The following CCDC172 variants were observed in gnomAD, a reference collection of about 807,000 sequenced individuals.
The protein encoded by CCDC172 is coiled-coil domain-containing protein 172.
A neutral mutation model predicts 38.0 loss-of-function variants in CCDC172; 30 were observed. That is an observed-to-expected ratio of 0.79 (90% CI 0.59 to 1.07). CCDC172 has a LOEUF of 1.07. CCDC172 is among the 50% of genes least tolerant of loss of function. CCDC172 has a pLI of 0.00. For synonymous variants in CCDC172, 78 were observed against 88.3 expected (o/e 0.88, Z 0.66); for missense variants, 297 against 290.1 (o/e 1.02, Z -0.17).
At chr10:116,341,863 C>T (rs1256555386) in intron 4 of CCDC172, among the ~76,000 whole-genome samples, 173 bp from the exon 5 acceptor site, 1 of 151,634 alleles carries the variant, frequency 6.6e-6, no homozygotes, top group Non-Finnish European at 1.5e-5. Flanking sequence ...TATATAATAG[C>T]TTCAGTTTTT....
rs146906702 is a variant in CCDC172, at chr10:116,325,039, A to G, written c.28A>G (p.Ile10Val). 41 of 1,614,112 alleles carry G rather than the reference A, an allele frequency of 2.5e-5. No individual in the cohort carries two copies. The African/African-American group carries it at 3.9e-4, about 15-fold the overall frequency. MSLESLFQHIIFTEHQAEES... is the reference protein window; with the variant it reads MSLESLFQHVIFTEHQAEES... ...GAGCTTGGAGTCCCTGTTTCAGCAC[A>G]TCATCTTCACCGAGCATCAGGCGGA... The change falls in exon 2 of 9, where the codon ATC becomes GTC. Residue 10 changes from isoleucine (I) to valine (V), a missense_variant. Transcript: ENST00000333254.
chr10:116,343,876 T>C (rs966725085), intron 5 of CCDC172, among the ~76,000 whole-genome samples: 1 of 152,156 alleles, frequency 6.6e-6, no homozygotes, highest in Non-Finnish European at 1.5e-5. Flanking sequence ...TTTTCTGAGG[T>C]TTTAGGAAAG....
intron 5 of CCDC172, among the ~76,000 whole-genome samples, chr10:116,343,801 C>T (rs2134926928): frequency 6.6e-6 from 1 of 152,232 alleles, no homozygotes; most frequent in South Asian, 2.1e-4. Flanking sequence ...ACTACTGAGA[C>T]AATATTCTTA....
chr10:116,331,051 C>T (rs1222282064), intron 3 of CCDC172, among the ~76,000 whole-genome samples: 2 of 152,084 alleles, frequency 1.3e-5, no homozygotes, highest in African/African-American at 4.8e-5. Flanking sequence ...CAGCTGTCTT[C>T]CATTAAGCCA....
At chr10:116,325,525 T>C (rs1440218191) in intron 3 of CCDC172, 137 bp downstream of exon 3, 2 of 631,090 alleles carry the variant, frequency 3.2e-6, no homozygotes, top group Non-Finnish European at 5.4e-6. Context: ...TTTAGTTCCA[T>C]GTTGCCTGGT....
chr10:116,346,640 T>G (rs1844870615), intron 5 of CCDC172, among the ~76,000 whole-genome samples: 1 of 146,010 alleles, frequency 6.8e-6, no homozygotes, highest in Non-Finnish European at 1.5e-5. Context: ...TGTAAATTAT[T>G]CCTCTTTAAA....
chr10:116,377,954 G>T (rs1372382859), intron 7 of CCDC172, among the ~76,000 whole-genome samples: 4 of 152,138 alleles, frequency 2.6e-5, no homozygotes, highest in African/African-American at 9.7e-5. Flanking sequence ...GTTCAGGCAG[G>T]TGAATCACTT....
chr10:116,376,309 A>T (rs1454416114), intron 7 of CCDC172, among the ~76,000 whole-genome samples: 1 of 152,140 alleles, frequency 6.6e-6, no homozygotes, highest in Non-Finnish European at 1.5e-5. Context: ...ATTGATCTAC[A>T]CTTCTCACTT....
At chr10:116,324,849 G>T (rs1589944207) in intron 1 of CCDC172, 98 bp from the exon 2 acceptor site, 2 of 628,202 alleles carry the variant, frequency 3.2e-6, no homozygotes, top group East Asian at 5.5e-5. Flanking sequence ...GTCTGGCGTC[G>T]GGCTCCATCT....
At chr10:116,332,218 C>T (rs576247573) in intron 3 of CCDC172, among the ~76,000 whole-genome samples, 2 of 152,190 alleles carry the variant, frequency 1.3e-5, no homozygotes, top group East Asian at 3.9e-4. Context: ...GAAGATTTCC[C>T]TCCTCCTTTT....
intron 5 of CCDC172, among the ~76,000 whole-genome samples, chr10:116,350,199 G>T (rs1844914278): frequency 6.6e-6 from 1 of 152,188 alleles, no homozygotes; most frequent in Non-Finnish European, 1.5e-5. Flanking sequence ...AAGCAAAAGA[G>T]CGAAGGGTCT....
intron 3 of CCDC172, among the ~76,000 whole-genome samples, chr10:116,335,834 A>T (rs10787650): frequency 6.6e-6 from 1 of 150,832 alleles, no homozygotes. Context: ...CCTTTTTTTT[A>T]TTTCTTGATG....
chr10:116,345,699 G>T (rs1844857309), intron 5 of CCDC172, among the ~76,000 whole-genome samples: 1 of 151,970 alleles, frequency 6.6e-6, no homozygotes, highest in Non-Finnish European at 1.5e-5. Context: ...CATGTGAAAA[G>T]ATACTCAATA....
intron 5 of CCDC172, among the ~76,000 whole-genome samples, chr10:116,344,478 G>A (rs10885910): frequency 0.33 from 50,577 of 151,976 alleles, 9,789 homozygotes; most frequent in Non-Finnish European, 0.44. Context: ...CAGTATAAAT[G>A]ATTTTAAAAA....
intron 3 of CCDC172, among the ~76,000 whole-genome samples, chr10:116,333,203 ATGT>A (rs1565711910): frequency 6.6e-6 from 1 of 151,936 alleles, no homozygotes; most frequent in African/African-American, 2.4e-5. Flanking sequence ...CATAGGGTTC[ATGT>A]TGTTATTCTG....
intron 5 of CCDC172, among the ~76,000 whole-genome samples, chr10:116,348,976 C>T (rs1236300619): frequency 6.6e-6 from 1 of 152,140 alleles, no homozygotes; most frequent in East Asian, 1.9e-4. Context: ...AAAGCTTCAT[C>T]TGTATTTACA....
chr10:116,339,611 T>C lies in CCDC172; in HGVS notation c.166-1123T>C, dbSNP rs545213540. Among the ~76,000 whole-genome samples the C allele has an allele frequency of 2.6e-5, 4 of 152,018 alleles. No homozygotes were observed. In the East Asian group the frequency reaches 7.7e-4, roughly 29 times the overall value. ...TCTCTATTGATGCCTTTCTTAAAAT[T>C]GGGTTGATGAAAACAGTACCAAGTA... On this transcript the variant is annotated intron_variant, in intron 3 of 8. Transcript: ENST00000333254.
chr10:116,372,887 A>G (rs906487598), intron 7 of CCDC172, among the ~76,000 whole-genome samples: 11 of 152,180 alleles, frequency 7.2e-5, no homozygotes, highest in African/African-American at 2.7e-4. Flanking sequence ...TGACATCCTA[A>G]AGAATGAAAG....
At chr10:116,338,734 C>A (rs950081679) in intron 3 of CCDC172, among the ~76,000 whole-genome samples, 1 of 152,014 alleles carries the variant, frequency 6.6e-6, no homozygotes, top group South Asian at 2.1e-4. Context: ...AAAGATAGCA[C>A]CTTAATTTCT....
Sources: gnomAD v4.1 joint callset for allele counts (sites outside exome capture counted in the v4.1 genomes callset) on GRCh38, gnomAD v4.1.1 for gene constraint, MANE v1.5 for transcripts, NCBI Gene and HGNC (gene_info 2026-07-23, HGNC 2026-07-21) for gene names.